The following SORCS2 variants were observed in gnomAD, a reference collection of about 807,000 sequenced individuals.
The protein encoded by SORCS2 is VPS10 domain-containing receptor SorCS2.
A neutral mutation model predicts 141.6 loss-of-function variants in SORCS2; 100 were observed. The ratio of observed to expected loss-of-function variants is 0.71; its 90% CI spans 0.60 to 0.83. The LOEUF (loss-of-function observed/expected upper bound fraction) is 0.83, where lower values mean the gene tolerates loss of function less well. SORCS2 is among the 40% of genes least tolerant of loss of function. SORCS2 has a pLI of 0.00. For synonymous variants in SORCS2, 789 were observed against 676.9 expected (o/e 1.17, Z -2.57); for missense variants, 1,646 against 1,560.2 (o/e 1.05, Z -0.93).
chr4:7,374,954 T>C (rs1233215098), intron 1 of SORCS2, among the ~76,000 whole-genome samples: 3 of 152,052 alleles, frequency 2.0e-5, no homozygotes, highest in African/African-American at 7.2e-5. Context: ...GCTGTTGGGG[T>C]TGGGATTTTG....
At chr4:7,412,917 T>C (rs1227769505) in intron 2 of SORCS2, among the ~76,000 whole-genome samples, 1 of 152,130 alleles carries the variant, frequency 6.6e-6, no homozygotes, top group Non-Finnish European at 1.5e-5. Flanking sequence ...CTCTAGGGTC[T>C]GGGTTTTTGT....
rs990400688 is a variant in SORCS2, at chr4:7,508,013, G to A, written c.549-23517G>A. Among the ~76,000 whole-genome samples the A allele has an allele frequency of 1.2e-4, 18 of 151,574 alleles. No individual in the cohort carries two copies. In the South Asian group the frequency reaches 2.5e-3, roughly 21 times the overall value. On this transcript the variant is annotated intron_variant, in intron 2 of 26. Coordinates refer to ENST00000507866, the MANE Select transcript of SORCS2 (RefSeq NM_020777.3). ...TAAGGCAAAAACACTACAAAAATCA[G>A]TGGGTAAAGTGGACTCACGACGGGT...
intron 3 of SORCS2, among the ~76,000 whole-genome samples, chr4:7,554,892 T>G (rs1406221273): frequency 6.6e-6 from 1 of 152,084 alleles, no homozygotes; most frequent in Non-Finnish European, 1.5e-5. Flanking sequence ...TCCAGAACAC[T>G]AGGGCAGAGT....
chr4:7,499,218 G>A (rs542603902), intron 2 of SORCS2, among the ~76,000 whole-genome samples: 19 of 152,308 alleles, frequency 1.2e-4, no homozygotes, highest in South Asian at 4.1e-4. Flanking sequence ...GTGTGTGCAC[G>A]TCACCCCCAG....
intron 1 of SORCS2, among the ~76,000 whole-genome samples, chr4:7,343,464 G>A (rs183183844): frequency 5.3e-5 from 8 of 152,324 alleles, no homozygotes; most frequent in African/African-American, 1.7e-4. Context: ...TGCAGGTGAC[G>A]TGCACAGCCC....
At chr4:7,573,234 A>G (rs2109717894) in intron 3 of SORCS2, among the ~76,000 whole-genome samples, 1 of 152,350 alleles carries the variant, frequency 6.6e-6, no homozygotes, top group South Asian at 2.1e-4. Flanking sequence ...CAAGCACACA[A>G]GATCCCTGCG....
At chr4:7,686,628 C>G (rs777057562) in intron 10 of SORCS2, among the ~76,000 whole-genome samples, 26 of 152,234 alleles carry the variant, frequency 1.7e-4, no homozygotes, top group Non-Finnish European at 2.5e-4. Context: ...CTGTCTCTGA[C>G]CACATGCACC....
chr4:7,207,528 G>T (rs1024413054), intron 1 of SORCS2, among the ~76,000 whole-genome samples: 2 of 152,196 alleles, frequency 1.3e-5, no homozygotes, highest in Admixed American at 6.5e-5. Flanking sequence ...CGGCTCCCCA[G>T]TCCTCCAGGC....
chr4:7,407,642 T>A (rs1250994775), intron 2 of SORCS2, among the ~76,000 whole-genome samples: 1 of 152,124 alleles, frequency 6.6e-6, no homozygotes, highest in Non-Finnish European at 1.5e-5. Context: ...AGCCACTCTA[T>A]ACCTTTTCAT....
At chr4:7,680,439 T>C (rs1189767954) in intron 9 of SORCS2, among the ~76,000 whole-genome samples, 1 of 152,226 alleles carries the variant, frequency 6.6e-6, no homozygotes, top group Non-Finnish European at 1.5e-5. Context: ...ACAAAGAAGC[T>C]GGACTCTGGG....
intron 1 of SORCS2, among the ~76,000 whole-genome samples, chr4:7,364,131 C>A (rs1278027260): frequency 1.3e-5 from 2 of 151,572 alleles, no homozygotes; most frequent in Non-Finnish European, 2.9e-5. Context: ...CCACCACCAC[C>A]ACATCATCAT....
intron 3 of SORCS2, among the ~76,000 whole-genome samples, chr4:7,539,134 C>G (rs1287227353): frequency 6.6e-6 from 1 of 152,156 alleles, no homozygotes; most frequent in Non-Finnish European, 1.5e-5. Flanking sequence ...CCCATCAGTG[C>G]TGCCCTGTCA....
Position 7,665,811 on chromosome 4 carries a change from A to T in SORCS2, c.1072-1313A>T, listed in dbSNP as rs542269206. On this transcript the variant is annotated intron_variant, in intron 7 of 26. Transcript: ENST00000507866. ...TCAGCTCTCTGGGCAACCATCTCCC[A>T]TGTTGAGTGGTTTCTAAACGTTAGA... Among the ~76,000 whole-genome samples the T allele has an allele frequency of 7.2e-5, 11 of 152,264 alleles. No homozygotes were observed. The South Asian group carries it at 2.3e-3, about 32-fold the overall frequency.
chr4:7,734,301 T>C lies in SORCS2; in HGVS notation c.3238T>C (p.Tyr1080His), dbSNP rs1216898965. The change falls in exon 25 of 27, where the codon TAC becomes CAC. Residue 1080 changes from tyrosine (Y) to histidine (H), a missense_variant. Transcript: ENST00000507866. Reference sequence around the variant, plus strand: ...TGAGCAGCTGGGCGGCGGTGGCGGCTACTGGGCGGTAGTGGTGCTGTTTGT... The same window carrying C: ...TGAGCAGCTGGGCGGCGGTGGCGGCCACTGGGCGGTAGTGGTGCTGTTTGT... ...GAEQLGGGGGYWAVVVLFVIG... is the reference protein window; with the variant it reads ...GAEQLGGGGGHWAVVVLFVIG... 1.9e-6 allele frequency: 3 copies of C among 1,603,272 alleles called. No homozygotes were observed. Among genetic ancestry groups the C allele is most frequent in the East Asian group, 4.5e-5 (2 of 44,474 alleles).
intron 13 of SORCS2, 151 bp from the exon 14 acceptor site, chr4:7,704,026 C>T (rs2109016954): frequency 1.0e-5 from 7 of 680,400 alleles, no homozygotes; most frequent in South Asian, 9.9e-5. Flanking sequence ...GTGATATGAG[C>T]AGATGTGACA....
chr4:7,478,854 G>T (rs1471574166), intron 2 of SORCS2, among the ~76,000 whole-genome samples: 2 of 152,200 alleles, frequency 1.3e-5, no homozygotes, highest in African/African-American at 4.8e-5. Flanking sequence ...GGGCACCGAG[G>T]CCTGGGTCGG....
At position 7,628,319 on chromosome 4, in the gene SORCS2, C is replaced by G. The variant is rs375982353; in HGVS notation, c.649-10009C>G. ...GGGCGGATCACGAGGTCAGGAGATC[C>G]AGACCATCCTGTGAATGGAGAAACC... On this transcript the variant is annotated intron_variant, in intron 3 of 26. Transcript: ENST00000507866. 8.3e-4 allele frequency among the ~76,000 whole-genome samples: 127 copies of G among 152,182 alleles called. 1 individual carries two copies. Among genetic ancestry groups the G allele is most frequent in the East Asian group, 5.6e-3 (29 of 5,156 alleles).
chr4:7,638,595 G>C lies in SORCS2; in HGVS notation c.813+103G>C, dbSNP rs1266234576. ...GGAGCAAGTGGGACCCGGAACCCCT[G>C]GGCTGGCTGAGGAGGAGCCTCCCGG... is the stretch of plus-strand genomic sequence containing the variant. On this transcript the variant is annotated intron_variant, in intron 4 of 26. Transcript: ENST00000507866. The C allele has an allele frequency of 1.5e-5, 19 of 1,290,010 alleles. 1 individual carries two copies. In the South Asian group the frequency reaches 2.1e-4, roughly 14 times the overall value. 79.9% of individuals were successfully genotyped at this position (1,290,010 alleles called of 1,614,324 possible).
chr4:7,733,562 C>T, intron 24 of SORCS2, 141 bp downstream of exon 24: 1 of 665,254 alleles, frequency 1.5e-6, no homozygotes, highest in Non-Finnish European at 2.5e-6. Flanking sequence ...ACTGAGAACC[C>T]ACCCAGGTCA....
Sources: gnomAD v4.1 joint callset for allele counts (sites outside exome capture counted in the v4.1 genomes callset) on GRCh38, gnomAD v4.1.1 for gene constraint, MANE v1.5 for transcripts, NCBI Gene and HGNC (gene_info 2026-07-23, HGNC 2026-07-21) for gene names.